Variants in OXR1 observed in about 807,000 individuals in gnomAD.
OXR1 encodes the protein oxidation resistance 1.
OXR1 carries 41 observed loss-of-function variants against 104.6 expected under a neutral mutation model. The ratio of observed to expected loss-of-function variants is 0.39; its 90% CI spans 0.31 to 0.51. The LOEUF (loss-of-function observed/expected upper bound fraction) is 0.51, where lower values mean the gene tolerates loss of function less well. Among genes scored for constraint, OXR1 ranks in the 20% least tolerant of loss-of-function variants. The pLI is 0.77. For synonymous variants in OXR1, 348 were observed against 348.4 expected (o/e 1.00, Z 0.01); for missense variants, 955 against 1,031.9 (o/e 0.93, Z 1.02).
At chr8:106,437,771 A>G (rs1819636427) in intron 2 of OXR1, among the ~76,000 whole-genome samples, 1 of 152,156 alleles carries the variant, frequency 6.6e-6, no homozygotes, top group Admixed American at 6.6e-5. Context: ...ATATTAGCCA[A>G]TAAAGCAAAA....
chr8:106,334,187 T>A (rs1814855275), intron 1 of OXR1, among the ~76,000 whole-genome samples: 1 of 152,212 alleles, frequency 6.6e-6, no homozygotes, highest in Non-Finnish European at 1.5e-5. Flanking sequence ...TTTTGTTAAA[T>A]GTGTTCCTAA....
chr8:106,629,240 T>G (rs966888252), intron 3 of OXR1, among the ~76,000 whole-genome samples: 2 of 144,988 alleles, frequency 1.4e-5, no homozygotes, highest in Non-Finnish European at 3.0e-5. Context: ...TTCAAGTCTG[T>G]TTTTTTTTTT....
chr8:106,385,119 A>G (rs529438012), intron 2 of OXR1, among the ~76,000 whole-genome samples: 21 of 152,326 alleles, frequency 1.4e-4, no homozygotes, highest in African/African-American at 1.9e-4. Flanking sequence ...AGGGACAGAA[A>G]TAGAAGGTTT....
chr8:106,406,943 A>G (rs529814429), intron 2 of OXR1, among the ~76,000 whole-genome samples: 2 of 152,286 alleles, frequency 1.3e-5, no homozygotes, highest in South Asian at 4.1e-4. Context: ...TAAAAGTAAT[A>G]GCAAAACTGC....
Position 106,706,424 on chromosome 8 carries a change from GA to G in OXR1, c.907del (p.Met303Ter). ...LSGRDFCHSK[K>X]MTGSNTEEID... ...CAGGAAGGGACTTCTGCCATTCAAA[GA>G]AAATGACAGGAAGTAACACTGAGGA... On this transcript the variant is annotated frameshift_variant, in exon 9 of 17. Coordinates refer to ENST00000517566, the MANE Select transcript of OXR1 (RefSeq NM_001198533.2). LOFTEE classifies it high-confidence loss of function. 6.3e-7 allele frequency: 1 copy of G among 1,587,870 alleles called. No homozygotes were observed. The highest frequency in any genetic ancestry group is 1.2e-5 in the South Asian group (1 of 84,702).
chr8:106,434,143 A>T (rs75126315), intron 2 of OXR1, among the ~76,000 whole-genome samples: 2 of 40,832 alleles, frequency 4.9e-5, no homozygotes, highest in East Asian at 4.3e-3. Flanking sequence ...ATTTTCTCCT[A>T]AAAAAAACTA....
At chr8:106,455,143 C>CT (rs1820536076) in intron 2 of OXR1, among the ~76,000 whole-genome samples, 3 of 152,062 alleles carry the variant, frequency 2.0e-5, no homozygotes. Flanking sequence ...GTTACTATTG[C>CT]TTTTATATGA....
intron 3 of OXR1, among the ~76,000 whole-genome samples, chr8:106,570,046 C>CG (rs1817362760): frequency 6.6e-6 from 1 of 152,156 alleles, no homozygotes; most frequent in Non-Finnish European, 1.5e-5. Context: ...CATGGTGAAG[C>CG]TTTGATGCTT....
intron 6 of OXR1, among the ~76,000 whole-genome samples, chr8:106,691,977 C>A (rs7844840): frequency 0.8 from 107,165 of 133,664 alleles, 40,354 homozygotes; most frequent in Admixed American, 0.85. Context: ...GTGTGTGTGT[C>A]TATATATATA....
chr8:106,638,597 G>C (rs941465587), intron 3 of OXR1, among the ~76,000 whole-genome samples: 2 of 152,018 alleles, frequency 1.3e-5, no homozygotes, highest in East Asian at 3.9e-4. Flanking sequence ...ACCCACCCAG[G>C]GATGTCAAAA....
At chr8:106,676,494 A>G (rs961227069) in intron 3 of OXR1, among the ~76,000 whole-genome samples, 1 of 152,124 alleles carries the variant, frequency 6.6e-6, no homozygotes, top group African/African-American at 2.4e-5. Context: ...TCTGATGCTA[A>G]CCAGTACTCT....
intron 2 of OXR1, among the ~76,000 whole-genome samples, chr8:106,403,067 G>T (rs896410820): frequency 6.6e-6 from 1 of 152,134 alleles, no homozygotes; most frequent in Non-Finnish European, 1.5e-5. Context: ...TGATCCACCC[G>T]TCTCGGCCTC....
At chr8:106,692,966 A>G (rs1262837413) in intron 7 of OXR1, 89 bp downstream of exon 7, 1 of 876,312 alleles carries the variant, frequency 1.1e-6, no homozygotes, top group East Asian at 2.6e-5. Context: ...TTAAGTCATC[A>G]ATGTCAGAAA....
At chr8:106,341,152 G>T (rs1327160862) in intron 1 of OXR1, among the ~76,000 whole-genome samples, 1 of 151,986 alleles carries the variant, frequency 6.6e-6, no homozygotes, top group Non-Finnish European at 1.5e-5. Context: ...TGTATATATA[G>T]TTTATTTTAT....
chr8:106,436,884 C>G (rs370140894), intron 2 of OXR1, among the ~76,000 whole-genome samples: 1 of 152,092 alleles, frequency 6.6e-6, no homozygotes, highest in Non-Finnish European at 1.5e-5. Flanking sequence ...AATACATGCT[C>G]CCCCTGGGGC....
In OXR1 at chr8:106,386,089, C is replaced by T. The variant is rs567061738; in HGVS notation, c.23+26453C>T. ...GAGCAGTGGGCAGCAGCAGCAGCAG[C>T]AAGGTTTCCTCTAGAACACTCTTAG... On this transcript the variant is annotated intron_variant, in intron 2 of 16. Coordinates refer to ENST00000517566, the MANE Select transcript of OXR1 (RefSeq NM_001198533.2). Among the ~76,000 whole-genome samples, 63 of 152,242 alleles carry T rather than the reference C, an allele frequency of 4.1e-4. 1 individual carries two copies. In the South Asian group the frequency reaches 7.0e-3, roughly 17 times the overall value.
chr8:106,622,380 C>G (rs1352589671), intron 3 of OXR1, among the ~76,000 whole-genome samples: 2 of 152,142 alleles, frequency 1.3e-5, no homozygotes, highest in African/African-American at 4.8e-5. Context: ...AAACATGAAT[C>G]TCATTGTATC....
chr8:106,709,909 C>T (rs1831525587), intron 9 of OXR1, among the ~76,000 whole-genome samples: 1 of 151,950 alleles, frequency 6.6e-6, no homozygotes, highest in Non-Finnish European at 1.5e-5. Flanking sequence ...GATTATCTAC[C>T]TTGTGTAATA....
At chr8:106,654,992 AC>A (rs1824926502) in intron 3 of OXR1, among the ~76,000 whole-genome samples, 1 of 152,176 alleles carries the variant, frequency 6.6e-6, no homozygotes, top group South Asian at 2.1e-4. Flanking sequence ...GGAATGAAGT[AC>A]CAATACATGT....
Sources: gnomAD v4.1 joint callset for allele counts (sites outside exome capture counted in the v4.1 genomes callset) on GRCh38, gnomAD v4.1.1 for gene constraint, MANE v1.5 for transcripts, NCBI Gene and HGNC (gene_info 2026-07-23, HGNC 2026-07-21) for gene names.